The following ALMS1 variants were observed in gnomAD, a reference collection of about 807,000 sequenced individuals.
ALMS1 encodes the protein centrosome-associated protein ALMS1.
In ALMS1, 271 loss-of-function variants were observed where a neutral mutation model predicts 352.2. The observed-to-expected ratio is 0.77, with a 90% CI of 0.70 to 0.85. ALMS1 has a LOEUF of 0.85. Among genes scored for constraint, ALMS1 ranks in the 40% least tolerant of loss-of-function variants. The probability of loss-of-function intolerance (pLI) is 0.00; values close to 1 mark genes in which losing one functional copy is unlikely to be tolerated. For synonymous variants in ALMS1, 1,865 were observed against 1,761.2 expected (o/e 1.06, Z -1.48); for missense variants, 5,445 against 4,870.7 (o/e 1.12, Z -3.51).
chr2:73,419,499 T>C (rs915316375), intron 3 of ALMS1, among the ~76,000 whole-genome samples, 181 bp downstream of exon 3: 3 of 152,192 alleles, frequency 2.0e-5, no homozygotes, highest in Non-Finnish European at 2.9e-5. Context: ...GATCTAATTA[T>C]ATTAAGTGTG....
intron 6 of ALMS1, among the ~76,000 whole-genome samples, chr2:73,431,680 C>T (rs1408802330): frequency 6.6e-6 from 1 of 152,156 alleles, no homozygotes; most frequent in African/African-American, 2.4e-5. Flanking sequence ...TTGTTGGTAA[C>T]CGATCACAGT....
intron 9 of ALMS1, among the ~76,000 whole-genome samples, chr2:73,488,892 T>C (rs1418829429): frequency 1.3e-5 from 2 of 152,102 alleles, no homozygotes; most frequent in African/African-American, 2.4e-5. Context: ...CTTGGTTTTT[T>C]CCCCCCATTG....
intron 1 of ALMS1, among the ~76,000 whole-genome samples, chr2:73,391,138 T>G (rs1333130233): frequency 6.6e-6 from 1 of 151,926 alleles, no homozygotes; most frequent in Non-Finnish European, 1.5e-5. Context: ...CCCTCTTAAC[T>G]TCTGTCTCCC....
intron 12 of ALMS1, among the ~76,000 whole-genome samples, chr2:73,545,989 C>T (rs1649265869): frequency 6.6e-6 from 1 of 152,138 alleles, no homozygotes; most frequent in Non-Finnish European, 1.5e-5. Context: ...GGTACAATAT[C>T]AGATACTTCA....
At chr2:73,530,034 G>T (rs1673875791) in intron 11 of ALMS1, among the ~76,000 whole-genome samples, 1 of 152,030 alleles carries the variant, frequency 6.6e-6, no homozygotes, top group Non-Finnish European at 1.5e-5. Flanking sequence ...ATGAGATTTG[G>T]CTAGGGACAC....
chr2:73,462,118 C>T (rs1281554044), intron 9 of ALMS1, among the ~76,000 whole-genome samples: 1 of 152,036 alleles, frequency 6.6e-6, no homozygotes, highest in African/African-American at 2.4e-5. Flanking sequence ...CACAAAGATA[C>T]TCCTCGAGAA....
intron 9 of ALMS1, among the ~76,000 whole-genome samples, chr2:73,482,576 A>G (rs1672734492): frequency 6.6e-6 from 1 of 152,248 alleles, no homozygotes; most frequent in Admixed American, 6.5e-5. Context: ...TTGGTATCAG[A>G]ATGATGCTGG....
At chr2:73,500,970 C>G (rs1262327912) in intron 10 of ALMS1, among the ~76,000 whole-genome samples, 1 of 152,112 alleles carries the variant, frequency 6.6e-6, no homozygotes, top group Non-Finnish European at 1.5e-5. Flanking sequence ...ATGTGAGTTT[C>G]AGTTATTCCA....
At chr2:73,571,205 A>T (rs541728395) in intron 15 of ALMS1, among the ~76,000 whole-genome samples, 51 of 152,222 alleles carry the variant, frequency 3.4e-4, no homozygotes, top group Non-Finnish European at 6.6e-4. Context: ...ATTTCATGAA[A>T]ACTCTGCTTG....
chr2:73,491,511 G>T lies in ALMS1; in HGVS notation c.9539+13G>T, dbSNP rs369860432. The T allele has an allele frequency of 3.1e-6, 5 of 1,613,240 alleles. No individual in the cohort carries two copies. The highest frequency in any genetic ancestry group is 3.3e-5 in the Admixed American group (2 of 59,996). On this transcript the variant is annotated intron_variant, in intron 10 of 22. Coordinates refer to ENST00000613296, the MANE Select transcript of ALMS1 (RefSeq NM_001378454.1). ...TATTTGCAGATCGGTGAGTCTCATT[G>T]TGATAACAAGCAAGCTGGATGGACT... is the stretch of plus-strand genomic sequence containing the variant.
At chr2:73,581,341 G>A (rs1375917789) in intron 16 of ALMS1, among the ~76,000 whole-genome samples, 1 of 152,142 alleles carries the variant, frequency 6.6e-6, no homozygotes, top group Non-Finnish European at 1.5e-5. Flanking sequence ...TCAGTCCACG[G>A]CTAATACTCA....
intron 10 of ALMS1, among the ~76,000 whole-genome samples, chr2:73,508,854 C>T (rs191143014): frequency 1.1e-4 from 16 of 152,274 alleles, no homozygotes; most frequent in African/African-American, 3.9e-4. Context: ...GTGTGGGAGT[C>T]TAAGTCTCTT....
chr2:73,597,251 A>G (rs897732930), intron 16 of ALMS1, among the ~76,000 whole-genome samples: 1 of 152,166 alleles, frequency 6.6e-6, no homozygotes, highest in African/African-American at 2.4e-5. Context: ...GTAGATATAC[A>G]ATTGATTTTT....
At position 73,599,452 on chromosome 2, in the gene ALMS1, T is replaced by C; in HGVS notation, c.11599T>C (p.Phe3867Leu). 1 of 1,613,586 alleles carries C rather than the reference T, an allele frequency of 6.2e-7. No individual in the cohort carries two copies. ...SDSISSSASS[F>L]LSSNSTFCNK... ...CTCTATTTCCTCTTCTGCCAGTAGT[T>C]TCCTGAGCTCAAACTCTACTTTTTG... Residue 3867 changes from phenylalanine (F) to leucine (L), a missense_variant, in exon 17 of 23, where the codon TTC becomes CTC. Physicochemically the swap from Phe to Leu is conservative, Grantham distance 22 (BLOSUM62 0). Transcript: ENST00000613296.
intron 1 of ALMS1, among the ~76,000 whole-genome samples, chr2:73,395,083 T>A (rs1442153840): frequency 3.0e-4 from 39 of 129,560 alleles, no homozygotes; most frequent in African/African-American, 9.0e-4. Flanking sequence ...TATATATTTT[T>A]TTTTTTTTTT....
chr2:73,519,091 G>T (rs1377708002), intron 10 of ALMS1, among the ~76,000 whole-genome samples: 1 of 152,122 alleles, frequency 6.6e-6, no homozygotes, highest in Non-Finnish European at 1.5e-5. Flanking sequence ...GGCAGTGCTT[G>T]CTAGGTGTCT....
At chr2:73,397,385 CTT>C (rs575226968) in intron 1 of ALMS1, among the ~76,000 whole-genome samples, 3 of 145,368 alleles carry the variant, frequency 2.1e-5, no homozygotes. Context: ...GTTTGTTCAG[CTT>C]TTTTTTTTTA....
At chr2:73,432,049 T>TAA in intron 6 of ALMS1, 149 bp from the exon 7 acceptor site, 1 of 632,720 alleles carries the variant, frequency 1.6e-6, no homozygotes, top group Non-Finnish European at 2.9e-6. Context: ...CTTCTTAGTG[T>TAA]TCCTCTTTGT....
At chr2:73,581,446 C>T (rs1313426090) in intron 16 of ALMS1, among the ~76,000 whole-genome samples, 3 of 152,210 alleles carry the variant, frequency 2.0e-5, no homozygotes, top group Non-Finnish European at 4.4e-5. Flanking sequence ...GGGCTGCCGT[C>T]TTTAAGACCA....
Sources: gnomAD v4.1 joint callset for allele counts (sites outside exome capture counted in the v4.1 genomes callset) on GRCh38, gnomAD v4.1.1 for gene constraint, MANE v1.5 for transcripts, NCBI Gene and HGNC (gene_info 2026-07-23, HGNC 2026-07-21) for gene names.